The following ST18 variants were observed in gnomAD, a reference collection of about 807,000 sequenced individuals.
ST18 encodes the protein ST18 C2H2C-type zinc finger transcription factor, also known as suppression of tumorigenicity 18 protein.
In ST18, 50 loss-of-function variants were observed where a neutral mutation model predicts 110.0. That is an observed-to-expected ratio of 0.45 (90% CI 0.36 to 0.58). The LOEUF (loss-of-function observed/expected upper bound fraction) is 0.58. ST18 is among the 20% of genes least tolerant of loss of function. The probability of loss-of-function intolerance (pLI) is 0.00; values close to 1 mark genes in which losing one functional copy is unlikely to be tolerated. For missense variants in ST18, 1,306 were observed against 1,280.1 expected (o/e 1.02, Z -0.31); for synonymous variants, 461 against 452.4 (o/e 1.02, Z -0.24).
chr8:52,374,511 TATTTC>T (rs1306765728), intron 2 of ST18, among the ~76,000 whole-genome samples: 1 of 152,134 alleles, frequency 6.6e-6, no homozygotes, highest in African/African-American at 2.4e-5. Flanking sequence ...TATTTTATTT[TATTTC>T]ATTTCATTTC....
Position 52,149,896 on chromosome 8 carries a change from G to A in ST18, c.1888C>T (p.Leu630=). Reference sequence around the variant, plus strand: ...GGAATAGAAGTGTTAGAGGAAGTTAGGGGTGCAGACTTGTCCAGGATTCGA... The same window carrying A: ...GGAATAGAAGTGTTAGAGGAAGTTAAGGGTGCAGACTTGTCCAGGATTCGA... The part of the protein sequence containing the change: ...KNRILDKSAP[L]TSSNTSIPTP... Residue 630 remains leucine, a synonymous_variant, in exon 16 of 26, where the codon CTA becomes TTA. Coordinates refer to ENST00000689386, the MANE Select transcript of ST18 (RefSeq NM_001352837.2). The A allele has an allele frequency of 1.2e-6, 2 of 1,614,158 alleles. No homozygotes were observed.
chr8:52,344,661 A>G (rs1353746365), intron 2 of ST18, among the ~76,000 whole-genome samples: 1 of 152,188 alleles, frequency 6.6e-6, no homozygotes, highest in East Asian at 1.9e-4. Flanking sequence ...TCAGCCTCCC[A>G]AAGTGTTGGG....
intron 2 of ST18, among the ~76,000 whole-genome samples, chr8:52,375,946 C>T (rs1832197133): frequency 6.6e-6 from 1 of 152,164 alleles, no homozygotes; most frequent in African/African-American, 2.4e-5. Context: ...GCATCTACTA[C>T]TCCGCTCACA....
intron 2 of ST18, among the ~76,000 whole-genome samples, chr8:52,349,958 A>G (rs1160369203): frequency 1.3e-5 from 2 of 152,280 alleles, no homozygotes; most frequent in East Asian, 3.9e-4. Context: ...CCCGACAGCA[A>G]CTGTGCAGGG....
intron 8 of ST18, among the ~76,000 whole-genome samples, chr8:52,199,951 C>A (rs983872012): frequency 1.3e-5 from 2 of 152,172 alleles, no homozygotes; most frequent in Admixed American, 6.5e-5. Context: ...CCACTGTGCT[C>A]CCTTATGTAA....
intron 2 of ST18, among the ~76,000 whole-genome samples, chr8:52,286,125 A>C (rs552158960): frequency 6.6e-5 from 10 of 152,332 alleles, no homozygotes; most frequent in African/African-American, 2.2e-4. Context: ...GCCTAGAATA[A>C]TTAATTGAAA....
intron 9 of ST18, among the ~76,000 whole-genome samples, chr8:52,177,046 T>C (rs1218250048): frequency 6.6e-6 from 1 of 152,204 alleles, no homozygotes; most frequent in Non-Finnish European, 1.5e-5. Context: ...TCTATGACTG[T>C]GACATATTTC....
At chr8:52,123,301 C>T (rs1586305343) in intron 23 of ST18, among the ~76,000 whole-genome samples, 1 of 152,240 alleles carries the variant, frequency 6.6e-6, no homozygotes, top group African/African-American at 2.4e-5. Context: ...ACATAGTATG[C>T]TAAAGGTAAA....
chr8:52,327,630 G>T (rs945277328), intron 2 of ST18, among the ~76,000 whole-genome samples: 1 of 152,184 alleles, frequency 6.6e-6, no homozygotes, highest in Non-Finnish European at 1.5e-5. Context: ...TAGACACGGT[G>T]CCATTATAAT....
intron 2 of ST18, among the ~76,000 whole-genome samples, chr8:52,384,144 G>A (rs1835632998): frequency 6.6e-6 from 1 of 152,128 alleles, no homozygotes; most frequent in South Asian, 2.1e-4. Flanking sequence ...AAATGGGAGA[G>A]TAATGTTGAA....
chr8:52,316,882 A>G (rs538663921), intron 2 of ST18, among the ~76,000 whole-genome samples: 93 of 152,354 alleles, frequency 6.1e-4, no homozygotes, highest in Middle Eastern at 3.4e-3. Context: ...GAAAATGACC[A>G]TGCTTGGCTT....
chr8:52,135,827 A>G lies in ST18; in HGVS notation c.2300+763T>C, dbSNP rs1393816153. On this transcript the variant is annotated intron_variant, in intron 19 of 25. Coordinates refer to ENST00000689386, the MANE Select transcript of ST18 (RefSeq NM_001352837.2). Reference sequence around the variant, plus strand: ...GTGAAATGTTACATGTGTTTTAGACACCAAACGCTGATGCTGCTGTCTACG... The same window carrying G: ...GTGAAATGTTACATGTGTTTTAGACGCCAAACGCTGATGCTGCTGTCTACG... 2.0e-5 allele frequency among the ~76,000 whole-genome samples: 3 copies of G among 152,122 alleles called. No individual in the cohort carries two copies. In the East Asian group the frequency reaches 5.8e-4, roughly 29 times the overall value.
At chr8:52,317,392 A>G (rs1406045997) in intron 2 of ST18, among the ~76,000 whole-genome samples, 2 of 152,220 alleles carry the variant, frequency 1.3e-5, no homozygotes, top group African/African-American at 4.8e-5. Flanking sequence ...GACACCTGGA[A>G]CCACCAGAAG....
At chr8:52,173,981 C>T (rs1353501732) in intron 9 of ST18, among the ~76,000 whole-genome samples, 1 of 148,958 alleles carries the variant, frequency 6.7e-6, no homozygotes, top group Non-Finnish European at 1.5e-5. Context: ...TAATTATCTC[C>T]CTAAATCAAC....
intron 8 of ST18, among the ~76,000 whole-genome samples, chr8:52,201,652 C>T (rs1009609540): frequency 1.2e-4 from 18 of 152,132 alleles, no homozygotes; most frequent in Non-Finnish European, 2.2e-4. Context: ...TGTGGCTCTT[C>T]GTCCCAATCT....
intron 2 of ST18, among the ~76,000 whole-genome samples, chr8:52,320,378 T>C (rs1803346857): frequency 6.9e-6 from 1 of 145,552 alleles, no homozygotes; most frequent in African/African-American, 2.7e-5. Context: ...CTACTATTGA[T>C]TTTTTTTTTA....
At chr8:52,312,047 A>C (rs568960118) in intron 2 of ST18, among the ~76,000 whole-genome samples, 11 of 152,328 alleles carry the variant, frequency 7.2e-5, no homozygotes, top group African/African-American at 2.6e-4. Context: ...ACCTCTCATA[A>C]GACCTCACGA....
At chr8:52,221,085 C>A (rs2086478688) in intron 4 of ST18, among the ~76,000 whole-genome samples, 1 of 148,344 alleles carries the variant, frequency 6.7e-6, no homozygotes, top group African/African-American at 2.5e-5. Flanking sequence ...AACTACCTAT[C>A]TCTATCTATC....
intron 7 of ST18, among the ~76,000 whole-genome samples, chr8:52,212,458 C>A (rs534386567): frequency 1.3e-5 from 2 of 152,112 alleles, no homozygotes; most frequent in African/African-American, 2.4e-5. Flanking sequence ...AAAGGAATCC[C>A]AAGATTATAT....
Sources: allele counts gnomAD v4.1 joint callset (sites outside exome capture counted in the v4.1 genomes callset), GRCh38; gene constraint gnomAD v4.1.1; transcripts MANE v1.5; gene names NCBI Gene and HGNC (gene_info 2026-07-23, HGNC 2026-07-21).